The following PTPRD variants were observed in gnomAD, a reference collection of about 807,000 sequenced individuals.
PTPRD encodes receptor-type tyrosine-protein phosphatase delta.
A neutral mutation model predicts 214.5 loss-of-function variants in PTPRD; 34 were observed. That is an observed-to-expected ratio of 0.16 (90% CI 0.12 to 0.21). The LOEUF (loss-of-function observed/expected upper bound fraction) is 0.21. Ranked by LOEUF, PTPRD falls within the 10% of genes least tolerant of loss-of-function variation. The probability of loss-of-function intolerance (pLI) is 1.00; values close to 1 mark genes in which losing one functional copy is unlikely to be tolerated. For missense variants in PTPRD, 2,545 were observed against 2,398.7 expected (o/e 1.06, Z -1.27); for synonymous variants, 1,128 against 845.7 (o/e 1.33, Z -5.79).
At chr9:8,783,974 G>C (rs182818520) in intron 11 of PTPRD, among the ~76,000 whole-genome samples, 119 of 152,238 alleles carry the variant, frequency 7.8e-4, no homozygotes, top group African/African-American at 2.7e-3. Context: ...ATTCACGAAA[G>C]GGTTGTGCGC....
chr9:9,072,838 C>A (rs955130370), intron 10 of PTPRD, among the ~76,000 whole-genome samples: 2 of 152,058 alleles, frequency 1.3e-5, no homozygotes, highest in African/African-American at 4.8e-5. Flanking sequence ...TCCTTTTTGT[C>A]CATATTGATT....
intron 10 of PTPRD, among the ~76,000 whole-genome samples, chr9:9,135,135 T>G (rs904656152): frequency 2.0e-5 from 3 of 152,182 alleles, no homozygotes; most frequent in Non-Finnish European, 4.4e-5. Context: ...ATTATAACTT[T>G]ACCTAAGTTT....
At chr9:10,548,270 T>C (rs2060570447) in intron 2 of PTPRD, among the ~76,000 whole-genome samples, 1 of 152,170 alleles carries the variant, frequency 6.6e-6, no homozygotes, top group African/African-American at 2.4e-5. Flanking sequence ...TCTTTTACTC[T>C]CTATATATAA....
intron 2 of PTPRD, among the ~76,000 whole-genome samples, chr9:10,533,373 G>A (rs2056935280): frequency 6.6e-6 from 1 of 152,134 alleles, no homozygotes; most frequent in Non-Finnish European, 1.5e-5. Flanking sequence ...TTAATTAGCT[G>A]TTGACAAGGA....
At chr9:10,099,356 C>T (rs537774194) in intron 3 of PTPRD, among the ~76,000 whole-genome samples, 8 of 151,704 alleles carry the variant, frequency 5.3e-5, no homozygotes, top group African/African-American at 1.4e-4. Context: ...GTGAGAATCA[C>T]ATGAGTTAAT....
chr9:10,331,099 G>A lies in PTPRD; in HGVS notation c.-545+9864C>T, dbSNP rs191463510. ...TCAACACCAGATGCAGATGCCTTCT[G>A]CAAACTACTCCATCAACTCTCACAA... On this transcript the variant is annotated intron_variant, in intron 3 of 45. Transcript: ENST00000381196. Among the ~76,000 whole-genome samples, 178 of 151,894 alleles carry A rather than the reference G, an allele frequency of 1.2e-3. 1 individual carries two copies. Among genetic ancestry groups the A allele is most frequent in the African/African-American group, 4.0e-3 (168 of 41,482 alleles).
intron 5 of PTPRD, among the ~76,000 whole-genome samples, chr9:9,867,979 G>A (rs2064414320): frequency 6.6e-6 from 1 of 152,112 alleles, no homozygotes; most frequent in African/African-American, 2.4e-5. Context: ...GAGCTGAATA[G>A]CTAGACTAAT....
At chr9:8,653,330 G>C (rs1270365767) in intron 12 of PTPRD, among the ~76,000 whole-genome samples, 4 of 152,110 alleles carry the variant, frequency 2.6e-5, no homozygotes, top group Non-Finnish European at 4.4e-5. Flanking sequence ...ACAGTGTTTA[G>C]AAATTGCAAA....
At chr9:8,678,224 C>T (rs1051481464) in intron 12 of PTPRD, among the ~76,000 whole-genome samples, 1 of 152,134 alleles carries the variant, frequency 6.6e-6, no homozygotes, top group African/African-American at 2.4e-5. Context: ...GACATCATTT[C>T]ACACGAGGCT....
Position 9,282,793 on chromosome 9 carries a change from T to A in PTPRD, c.-202-99430A>T, listed in dbSNP as rs147323802. 2.4e-3 allele frequency among the ~76,000 whole-genome samples: 371 copies of A among 151,588 alleles called. 1 individual carries two copies. The highest frequency in any genetic ancestry group is 8.6e-3 in the African/African-American group (356 of 41,478). Reference sequence around the variant, plus strand: ...GCAGCTCTGATACAGTCAATAATTGTGGTTAAAGCCCTAATAAACTGTTCA... The same window carrying A: ...GCAGCTCTGATACAGTCAATAATTGAGGTTAAAGCCCTAATAAACTGTTCA... On this transcript the variant is annotated intron_variant, in intron 9 of 45. Transcript: ENST00000381196.
At chr9:8,936,670 G>A (rs1306572670) in intron 11 of PTPRD, among the ~76,000 whole-genome samples, 1 of 152,060 alleles carries the variant, frequency 6.6e-6, no homozygotes, top group African/African-American at 2.4e-5. Context: ...AGCTTAGTTT[G>A]CCTGTGGTAA....
intron 9 of PTPRD, among the ~76,000 whole-genome samples, chr9:9,324,492 T>C (rs1422148075): frequency 6.6e-6 from 1 of 152,210 alleles, no homozygotes; most frequent in Admixed American, 6.5e-5. Flanking sequence ...TGTCTTCTTT[T>C]GAGAAGTGTC....
At chr9:9,651,044 T>C (rs539783640) in intron 7 of PTPRD, among the ~76,000 whole-genome samples, 4 of 152,108 alleles carry the variant, frequency 2.6e-5, no homozygotes, top group Admixed American at 2.6e-4. Context: ...TATTGTATAA[T>C]AAGGAAACTT....
intron 6 of PTPRD, among the ~76,000 whole-genome samples, chr9:9,754,911 TA>T (rs1309312926): frequency 6.6e-6 from 1 of 152,012 alleles, no homozygotes; most frequent in African/African-American, 2.4e-5. Flanking sequence ...TGGAGGAAAT[TA>T]TTTTTTTTAA....
At chr9:10,146,775 GA>G (rs144435683) in intron 3 of PTPRD, among the ~76,000 whole-genome samples, 4,903 of 151,646 alleles carry the variant, frequency 0.032, 254 homozygotes, top group African/African-American at 0.11. Flanking sequence ...AATGGGAGAA[GA>G]AAAAAAAGAG....
At chr9:8,404,429 A>G (rs1466977226) in intron 36 of PTPRD, 108 bp downstream of exon 36, 1 of 1,427,108 alleles carries the variant, frequency 7.0e-7, no homozygotes, top group Non-Finnish European at 9.4e-7. Context: ...ATGCACAGCC[A>G]TCTTAATTAC....
chr9:9,813,179 T>C (rs975991757), intron 5 of PTPRD, among the ~76,000 whole-genome samples: 1 of 151,996 alleles, frequency 6.6e-6, no homozygotes, highest in South Asian at 2.1e-4. Flanking sequence ...TAGTGACAAA[T>C]GCTTACATTT....
At chr9:10,390,567 G>A (rs561320388) in intron 2 of PTPRD, among the ~76,000 whole-genome samples, 13 of 151,850 alleles carry the variant, frequency 8.6e-5, no homozygotes, top group South Asian at 4.1e-4. Flanking sequence ...TCAATAGAGT[G>A]GTCAGTGTTT....
At chr9:10,494,466 C>T (rs2132875575) in intron 2 of PTPRD, among the ~76,000 whole-genome samples, 1 of 151,754 alleles carries the variant, frequency 6.6e-6, no homozygotes, top group Non-Finnish European at 1.5e-5. Context: ...TGGAATTATG[C>T]CTAGATGCTA....
Sources: allele counts gnomAD v4.1 joint callset (sites outside exome capture counted in the v4.1 genomes callset), GRCh38; gene constraint gnomAD v4.1.1; transcripts MANE v1.5; gene names NCBI Gene and HGNC (gene_info 2026-07-23, HGNC 2026-07-21).